The following ANKRD36 variants were observed in gnomAD, a reference collection of about 807,000 sequenced individuals.
The protein encoded by ANKRD36 is ankyrin repeat domain-containing protein 36A.
Under a neutral mutation model 278.1 loss-of-function variants are expected in ANKRD36, and 179 were observed. That is an observed-to-expected ratio of 0.64 (90% CI 0.57 to 0.73). ANKRD36 has a LOEUF of 0.73. ANKRD36 is among the 30% of genes least tolerant of loss of function. ANKRD36 has a pLI of 0.00. For missense variants in ANKRD36, 1,159 were observed against 1,956.7 expected, an observed-to-expected ratio of 0.59 and a Z score of 7.69; for synonymous variants, 320 against 641.1, an observed-to-expected ratio of 0.50 and a Z score of 7.57.
At chr2:97,149,677 T>C (rs902656909) in intron 12 of ANKRD36, among the ~76,000 whole-genome samples, 7 of 152,002 alleles carry the variant, frequency 4.6e-5, no homozygotes, top group African/African-American at 1.7e-4. Flanking sequence ...TCTAGGCTTA[T>C]TTGAGTGTTT....
intron 67 of ANKRD36, among the ~76,000 whole-genome samples, chr2:97,227,453 T>G (rs2070223864): frequency 6.6e-6 from 1 of 152,122 alleles, no homozygotes; most frequent in African/African-American, 2.4e-5. Flanking sequence ...ATAAGAATGC[T>G]TATGATTTTT....
intron 28 of ANKRD36, 70 bp from the exon 29 acceptor site, chr2:97,185,246 A>C: frequency 6.4e-7 from 1 of 1,554,870 alleles, no homozygotes; most frequent in Non-Finnish European, 8.8e-7. Flanking sequence ...TGATGCTAAC[A>C]CTTCATGAAT....
At position 97,144,622 on chromosome 2, in the gene ANKRD36, G is replaced by A; in HGVS notation, c.931-18G>A. ...ATATACTGTAGGTATTGATTATTTT[G>A]TTTGAAATCCCACTCAGGATACAAG... is the stretch of plus-strand genomic sequence containing the variant. On this transcript the variant is annotated intron_variant, in intron 9 of 75. Transcript: ENST00000420699. The A allele has an allele frequency of 6.5e-7, 1 of 1,548,840 alleles. No individual in the cohort carries two copies. The highest frequency in any genetic ancestry group is 8.7e-7 in the Non-Finnish European group (1 of 1,151,482).
rs373728461 is a variant in ANKRD36, at chr2:97,194,866, T to A, written c.2500T>A (p.Ser834Thr). ...TCAGGCTACAAGTGATGAGAAGGAT[T>A]CTTTTTCGAATATAACCAGAGGAAA... The part of the protein sequence containing the change: ...ALKATSDEKD[S>T]FSNITRGKKD... Residue 834 changes from serine (S) to threonine (T), a missense_variant, in exon 40 of 76, where the codon TCT (serine) becomes ACT (threonine). Coordinates refer to ENST00000420699, the MANE Select transcript of ANKRD36 (RefSeq NM_001354587.1). 173 of 1,581,224 alleles carry A rather than the reference T, an allele frequency of 1.1e-4. No homozygotes were observed. In the African/African-American group the frequency reaches 2.0e-3, roughly 18 times the overall value.
chr2:97,224,479 G>A (rs1469725596), intron 66 of ANKRD36, among the ~76,000 whole-genome samples: 3 of 146,394 alleles, frequency 2.0e-5, no homozygotes, highest in Non-Finnish European at 3.0e-5. Context: ...ACACAGTCTC[G>A]CTCTGCCACC....
intron 12 of ANKRD36, 66 bp downstream of exon 12, chr2:97,149,427 T>C: frequency 7.4e-7 from 1 of 1,347,710 alleles, no homozygotes. Flanking sequence ...TATTTTCTTC[T>C]AAAACTTAGC....
At chr2:97,187,779 A>C (rs1452708330) in intron 32 of ANKRD36, among the ~76,000 whole-genome samples, 8 of 151,866 alleles carry the variant, frequency 5.3e-5, no homozygotes, top group Non-Finnish European at 8.8e-5. Flanking sequence ...ACTGCTAAGA[A>C]AAGACAGAAA....
chr2:97,120,273 T>C (rs1201613652), intron 3 of ANKRD36, among the ~76,000 whole-genome samples: 1 of 67,952 alleles, frequency 1.5e-5, no homozygotes, highest in Non-Finnish European at 4.0e-5. Flanking sequence ...TAAACCTTTT[T>C]TTAAAGCTGA....
At chr2:97,124,354 A>C in intron 4 of ANKRD36, 106 bp from the exon 5 acceptor site, 2 of 1,375,360 alleles carry the variant, frequency 1.5e-6, no homozygotes, top group Non-Finnish European at 1.9e-6. Context: ...AGTACATGTA[A>C]TTGGGTTAAT....
intron 30 of ANKRD36, 103 bp downstream of exon 30, chr2:97,185,613 G>A (rs1302722042): frequency 5.1e-6 from 7 of 1,370,504 alleles, no homozygotes; most frequent in Non-Finnish European, 7.1e-6. Flanking sequence ...TGCACATTCT[G>A]ATTCAGCAGG....
chr2:97,187,104 C>G (rs2057556871), intron 30 of ANKRD36, 94 bp from the exon 31 acceptor site: 5 of 1,569,540 alleles, frequency 3.2e-6, no homozygotes, highest in Admixed American at 3.6e-5. Flanking sequence ...CTAATACAGG[C>G]AGGCGGATAC....
intron 3 of ANKRD36, among the ~76,000 whole-genome samples, chr2:97,121,595 A>T (rs1365256305): frequency 6.6e-6 from 1 of 151,558 alleles, no homozygotes; most frequent in Non-Finnish European, 1.5e-5. Context: ...GCAGTGAGCC[A>T]AGATGGCACC....
At chr2:97,232,906 C>T (rs1005268273) in intron 67 of ANKRD36, among the ~76,000 whole-genome samples, 10 of 151,968 alleles carry the variant, frequency 6.6e-5, no homozygotes, top group East Asian at 2.0e-4. Flanking sequence ...AACAAAACAC[C>T]GCTAATTGGA....
chr2:97,190,269 T>G lies in ANKRD36; in HGVS notation c.2246-709T>G, dbSNP rs1439007540. On this transcript the variant is annotated intron_variant, in intron 34 of 75. Coordinates refer to ENST00000420699, the MANE Select transcript of ANKRD36 (RefSeq NM_001354587.1). ...TTTACTTTGTAGAAGTATGTCAAAA[T>G]TGATAATTGATGATATTTTTATTGA... Among the ~76,000 whole-genome samples, 16 of 94,070 alleles carry G rather than the reference T, an allele frequency of 1.7e-4. 2 individuals carry two copies. Among genetic ancestry groups the G allele is most frequent in the African/African-American group, 3.8e-4 (15 of 39,020 alleles). 61.7% of individuals were successfully genotyped at this position (94,070 alleles called of 152,430 possible). A position where few individuals can be genotyped will look rare whatever the true frequency, so the allele number is the denominator to read the frequency against.
At chr2:97,211,191 G>A (rs1381042337) in intron 56 of ANKRD36, among the ~76,000 whole-genome samples, 1 of 151,900 alleles carries the variant, frequency 6.6e-6, no homozygotes, top group Admixed American at 6.6e-5. Context: ...GTGGGATCCT[G>A]TAGCACCTGC....
intron 17 of ANKRD36, among the ~76,000 whole-genome samples, chr2:97,159,827 G>C (rs1020412745): frequency 7.7e-6 from 1 of 130,044 alleles, no homozygotes; most frequent in Non-Finnish European, 1.7e-5. Flanking sequence ...CTGTCGCCCA[G>C]GCTGGAGGGC....
rs564315890 is a variant in ANKRD36, at chr2:97,172,750, G to T, written c.1633+4983G>T. Among the ~76,000 whole-genome samples the T allele has an allele frequency of 2.1e-3, 313 of 152,042 alleles. 2 individuals are homozygous for T. The highest frequency in any genetic ancestry group is 7.4e-3 in the African/African-American group (307 of 41,538). On this transcript the variant is annotated intron_variant, in intron 22 of 75. Coordinates refer to ENST00000420699, the MANE Select transcript of ANKRD36 (RefSeq NM_001354587.1). The stretch of plus-strand genomic sequence containing the variant: ...ACCCCTTTGTTGATCCCTATAGAGT[G>T]TTCCCAGATGTCAAATGGCAAATAG...
chr2:97,178,566 A>G (rs1405742731), intron 22 of ANKRD36, among the ~76,000 whole-genome samples: 1 of 151,454 alleles, frequency 6.6e-6, no homozygotes, highest in African/African-American at 2.4e-5. Flanking sequence ...TTCTCAGTAA[A>G]CTATCGCAAA....
Position 97,176,399 on chromosome 2 carries a change from G to C in ANKRD36, c.1634-3339G>C, listed in dbSNP as rs544863997. Among the ~76,000 whole-genome samples, 674 of 146,830 alleles carry C rather than the reference G, an allele frequency of 4.6e-3. 6 individuals are homozygous for C. Among genetic ancestry groups the C allele is most frequent in the African/African-American group, 0.016 (639 of 40,816 alleles). Reference sequence around the variant, plus strand: ...TGTAATGGCCTTCTTTGTCTCTTTTGATCTTTGTTGGTTAAAAGTCTGTTT... The same window carrying C: ...TGTAATGGCCTTCTTTGTCTCTTTTCATCTTTGTTGGTTAAAAGTCTGTTT... On this transcript the variant is annotated intron_variant, in intron 22 of 75. Coordinates refer to ENST00000420699, the MANE Select transcript of ANKRD36 (RefSeq NM_001354587.1).
Sources: gnomAD v4.1 joint callset for allele counts (sites outside exome capture counted in the v4.1 genomes callset) on GRCh38, gnomAD v4.1.1 for gene constraint, MANE v1.5 for transcripts, NCBI Gene and HGNC (gene_info 2026-07-23, HGNC 2026-07-21) for gene names.